Variants in GPRIN3 observed in about 807,000 individuals in gnomAD.
GPRIN3 encodes the protein GPRIN family member 3, also known as G protein-regulated inducer of neurite outgrowth 3.
GPRIN3 carries 12 observed loss-of-function variants against 13.7 expected under a neutral mutation model. That is an observed-to-expected ratio of 0.87 (90% CI 0.56 to 1.42). The LOEUF is 1.42. Ranked by LOEUF, GPRIN3 falls within the 40% of genes most tolerant of loss-of-function variation. The pLI is 0.00. For synonymous variants in GPRIN3, 377 were observed against 372.7 expected, an observed-to-expected ratio of 1.01 and a Z score of -0.13; for missense variants, 1,009 against 958.7, an observed-to-expected ratio of 1.05 and a Z score of -0.69.
chr4:89,262,124 T>G (rs1362091708), intron 1 of GPRIN3, among the ~76,000 whole-genome samples: 1 of 94,630 alleles, frequency 1.1e-5, no homozygotes, highest in Admixed American at 1.3e-4. Flanking sequence ...AGACCCAGTC[T>G]CAAAAAAAAA....
At chr4:89,305,111 T>A (rs1724999769) in intron 1 of GPRIN3, among the ~76,000 whole-genome samples, 1 of 152,148 alleles carries the variant, frequency 6.6e-6, no homozygotes, top group Non-Finnish European at 1.5e-5. Flanking sequence ...GGACTTCAGT[T>A]TGTAGGTGGA....
At chr4:89,271,248 C>T (rs1338191177) in intron 1 of GPRIN3, among the ~76,000 whole-genome samples, 5 of 152,128 alleles carry the variant, frequency 3.3e-5, no homozygotes, top group Non-Finnish European at 7.4e-5. Flanking sequence ...AAAATTTAAT[C>T]AATTTGCCCA....
chr4:89,246,720 C>G lies in GPRIN3; in HGVS notation c.*1060G>C, dbSNP rs76859417. ...AATTTGGTGTTGACTACATTTGTTA[C>G]TGGAAGTTACTGAACCCAATTAAAA... On this transcript the variant is annotated 3_prime_UTR_variant, in exon 2 of 2. Transcript: ENST00000609438. 2.1e-3 allele frequency: 323 copies of G among 152,250 alleles called. 1 individual carries two copies. The highest frequency in any genetic ancestry group is 7.4e-3 in the African/African-American group (307 of 41,530). The allele number at this position is 152,250 out of a possible 1,614,324, so 9.4% of individuals were successfully genotyped here. A position where few individuals can be genotyped will look rare whatever the true frequency, so the allele number is the denominator to read the frequency against.
rs1724265760 is a variant in GPRIN3 at position 89,282,001 on chromosome 4, T to C, written c.-124+25614A>G. Among the ~76,000 whole-genome samples the C allele has an allele frequency of 2.0e-5, 3 of 150,922 alleles. No homozygotes were observed. In the South Asian group the frequency reaches 6.3e-4, roughly 32 times the overall value. On this transcript the variant is annotated intron_variant, in intron 1 of 1. Transcript: ENST00000609438. Reference sequence around the variant, plus strand: ...TTTGGTCTCTTTAGTAAGAGTACTGTAGAGAGTGAGTGGGTGCCTGGTAGT... The same window carrying C: ...TTTGGTCTCTTTAGTAAGAGTACTGCAGAGAGTGAGTGGGTGCCTGGTAGT...
At chr4:89,276,826 A>C (rs1305346490) in intron 1 of GPRIN3, among the ~76,000 whole-genome samples, 1 of 152,072 alleles carries the variant, frequency 6.6e-6, no homozygotes, top group African/African-American at 2.4e-5. Context: ...TCACCTACTG[A>C]GAATCTAGCA....
At position 89,237,312 on chromosome 4, in the gene GPRIN3, A is replaced by G. The variant is rs1722813825; in HGVS notation, c.*10468T>C. ...GTGGTTGTGTAGAATGGTGTTGAAGAAAATTTAATAATGGTGGCATTCAGA... is the reference window on the plus strand; with the variant it reads ...GTGGTTGTGTAGAATGGTGTTGAAGGAAATTTAATAATGGTGGCATTCAGA... On this transcript the variant is annotated 3_prime_UTR_variant, in exon 2 of 2. Coordinates refer to ENST00000609438, the MANE Select transcript of GPRIN3 (RefSeq NM_198281.3). The G allele has an allele frequency of 6.6e-6, 1 of 152,170 alleles. No homozygotes were observed. Among genetic ancestry groups the G allele is most frequent in the Non-Finnish European group, 1.5e-5 (1 of 68,026 alleles). The allele number at this position is 152,170 out of a possible 1,614,324, so 9.4% of individuals were successfully genotyped here. A position where few individuals can be genotyped will look rare whatever the true frequency, so the allele number is the denominator to read the frequency against.
intron 1 of GPRIN3, among the ~76,000 whole-genome samples, chr4:89,301,523 A>G (rs1003979596): frequency 6.6e-6 from 1 of 152,218 alleles, no homozygotes; most frequent in Non-Finnish European, 1.5e-5. Flanking sequence ...TCACTCCCTC[A>G]GGCATTTCAT....
intron 1 of GPRIN3, among the ~76,000 whole-genome samples, chr4:89,278,495 T>C (rs1724155873): frequency 6.6e-6 from 1 of 152,206 alleles, no homozygotes. Flanking sequence ...TTCAGTACAA[T>C]AAAATGTTAC....
In GPRIN3 at chr4:89,272,636, G is replaced by T. The variant is rs921121663; in HGVS notation, c.-123-22403C>A. On this transcript the variant is annotated intron_variant, in intron 1 of 1. Transcript: ENST00000609438. Reference sequence around the variant, plus strand: ...ACTTTTGCTTTAATGGAATATTTAGGCTATCACAAACTTTCTCTGTGAATC... The same window carrying T: ...ACTTTTGCTTTAATGGAATATTTAGTCTATCACAAACTTTCTCTGTGAATC... Among the ~76,000 whole-genome samples, 7 of 151,888 alleles carry T rather than the reference G, an allele frequency of 4.6e-5. 1 individual carries two copies. Among genetic ancestry groups the T allele is most frequent in the Admixed American group, 2.0e-4 (3 of 15,234 alleles).
rs886615133 is a variant in GPRIN3 at position 89,248,718 on chromosome 4, C to A, written c.1393G>T (p.Ala465Ser). Residue 465 changes from alanine to serine, a missense_variant, in exon 2 of 2, where the codon GCT becomes TCT. Coordinates refer to ENST00000609438, the MANE Select transcript of GPRIN3 (RefSeq NM_198281.3). ...LAGTNSSSLK[A>S]TAIDQISISA... ...ATAGAAATCTGGTCAATGGCGGTAGCTTTCAGGGAGCTAGAATTAGTACCT... is the reference window on the plus strand; with the variant it reads ...ATAGAAATCTGGTCAATGGCGGTAGATTTCAGGGAGCTAGAATTAGTACCT... The A allele has an allele frequency of 6.2e-7, 1 of 1,614,156 alleles. No individual in the cohort carries two copies. Among genetic ancestry groups the A allele is most frequent in the African/African-American group, 1.3e-5 (1 of 75,036 alleles).
At chr4:89,272,137 T>C (rs1723970501) in intron 1 of GPRIN3, among the ~76,000 whole-genome samples, 1 of 152,168 alleles carries the variant, frequency 6.6e-6, no homozygotes, top group Non-Finnish European at 1.5e-5. Context: ...CTATGCAGTC[T>C]GTGGTATTCT....
intron 1 of GPRIN3, among the ~76,000 whole-genome samples, chr4:89,293,063 G>T (rs569981574): frequency 6.6e-6 from 1 of 152,204 alleles, no homozygotes; most frequent in East Asian, 1.9e-4. Flanking sequence ...TTTTTGAATG[G>T]AATTAAACCA....
chr4:89,282,525 C>T (rs1276951235), intron 1 of GPRIN3, among the ~76,000 whole-genome samples: 1 of 151,626 alleles, frequency 6.6e-6, no homozygotes. Context: ...TTATGCAGTC[C>T]AGGACAGCTT....
intron 1 of GPRIN3, among the ~76,000 whole-genome samples, chr4:89,251,714 A>G (rs1038599965): frequency 3.9e-5 from 6 of 152,230 alleles, no homozygotes; most frequent in Non-Finnish European, 8.8e-5. Flanking sequence ...ATACATTTTC[A>G]TTTTTGTAAA....
chr4:89,295,021 C>CA (rs1724693468), intron 1 of GPRIN3, among the ~76,000 whole-genome samples: 1 of 152,026 alleles, frequency 6.6e-6, no homozygotes, highest in South Asian at 2.1e-4. Flanking sequence ...ACAAAAAGCT[C>CA]AAAAAACTGA....
At chr4:89,259,053 G>A (rs942638642) in intron 1 of GPRIN3, among the ~76,000 whole-genome samples, 4 of 152,208 alleles carry the variant, frequency 2.6e-5, no homozygotes, top group African/African-American at 9.6e-5. Context: ...ATTTTACAGA[G>A]AGTCCATCTT....
chr4:89,275,158 G>GTGTGTGTGTGTC (rs1313205914), intron 1 of GPRIN3, among the ~76,000 whole-genome samples: 1 of 151,892 alleles, frequency 6.6e-6, no homozygotes, highest in Non-Finnish European at 1.5e-5. Context: ...GTGTGTGTGT[G>GTGTGTGTGTGTC]TCCACGCGCA....
At chr4:89,256,129 G>A (rs931914179) in intron 1 of GPRIN3, among the ~76,000 whole-genome samples, 2 of 152,136 alleles carry the variant, frequency 1.3e-5, no homozygotes, top group Non-Finnish European at 2.9e-5. Flanking sequence ...TAATGGATGC[G>A]AATGCCTGGA....
intron 1 of GPRIN3, among the ~76,000 whole-genome samples, chr4:89,287,339 T>C (rs1447511755): frequency 6.6e-6 from 1 of 152,230 alleles, no homozygotes; most frequent in East Asian, 1.9e-4. Context: ...AAAATGCATA[T>C]AATTTTATTT....
Sources: allele counts gnomAD v4.1 joint callset (sites outside exome capture counted in the v4.1 genomes callset), GRCh38; gene constraint gnomAD v4.1.1; transcripts MANE v1.5; gene names NCBI Gene and HGNC (gene_info 2026-07-23, HGNC 2026-07-21).